CEPT1: variants seen among roughly 807,000 people sequenced by gnomAD.
The protein encoded by CEPT1 is choline/ethanolamine phosphotransferase 1, also known as choline/ethanolaminephosphotransferase 1.
Under a neutral mutation model 42.6 loss-of-function variants are expected in CEPT1, and 7 were observed. The observed-to-expected ratio is 0.16, with a 90% CI of 0.09 to 0.31. The LOEUF is 0.31. Among genes scored for constraint, CEPT1 ranks in the 10% least tolerant of loss-of-function variants. The pLI is 1.00. For synonymous variants in CEPT1, 171 were observed against 171.9 expected, an observed-to-expected ratio of 0.99 and a Z score of 0.04; for missense variants, 306 against 502.1, an observed-to-expected ratio of 0.61 and a Z score of 3.73.
At chr1:111,151,128 G>GTTTTT (rs34545608) in intron 2 of CEPT1, among the ~76,000 whole-genome samples, 5 of 135,140 alleles carry the variant, frequency 3.7e-5, no homozygotes, top group African/African-American at 5.7e-5. Context: ...TTTTTTGTTT[G>GTTTTT]TTTTTTTTTT....
At chr1:111,170,352 T>C (rs1389233392) in intron 4 of CEPT1, among the ~76,000 whole-genome samples, 1 of 152,220 alleles carries the variant, frequency 6.6e-6, no homozygotes, top group East Asian at 1.9e-4. Context: ...TCTCAGAAAG[T>C]CTGAAGATCC....
chr1:111,163,139 A>C (rs1655956683), intron 4 of CEPT1, among the ~76,000 whole-genome samples: 1 of 151,964 alleles, frequency 6.6e-6, no homozygotes, highest in African/African-American at 2.4e-5. Context: ...AGTGCTTGCA[A>C]GGCTTGGGGT....
chr1:111,149,074 T>G (rs888108971), intron 2 of CEPT1, among the ~76,000 whole-genome samples: 4 of 152,180 alleles, frequency 2.6e-5, no homozygotes, highest in African/African-American at 7.2e-5. Context: ...TTTTCTGTTT[T>G]CATCAATTTG....
chr1:111,167,089 T>G, intron 4 of CEPT1: 1 of 983,490 alleles, frequency 1.0e-6, no homozygotes, highest in Non-Finnish European at 1.2e-6. Context: ...TTGAAATGTT[T>G]GTTTCCTTAT....
intron 5 of CEPT1, among the ~76,000 whole-genome samples, chr1:111,176,296 T>C (rs950042521): frequency 2.6e-5 from 4 of 152,176 alleles, no homozygotes; most frequent in Non-Finnish European, 1.5e-5. Flanking sequence ...TTCAGTAGAC[T>C]AGTTCTTTTT....
chr1:111,166,233 C>T (rs1266247864), intron 4 of CEPT1, among the ~76,000 whole-genome samples: 1 of 152,162 alleles, frequency 6.6e-6, no homozygotes, highest in Non-Finnish European at 1.5e-5. Context: ...TCTCAGATCA[C>T]CAGGTAAAAT....
Position 111,182,326 on chromosome 1 carries a change from T to C in CEPT1, c.846+8T>C. ...AATGGATCAACAATAGCAGTAAGTA[T>C]ACCTTAAGATTTTCAACACTTGTTT... On this transcript the variant is annotated splice_region_variant and intron_variant, in intron 6 of 8. Coordinates refer to ENST00000357172, the MANE Select transcript of CEPT1 (RefSeq NM_006090.5). The C allele has an allele frequency of 6.2e-7, 1 of 1,608,684 alleles. No individual in the cohort carries two copies. The highest frequency in any genetic ancestry group is 8.5e-7 in the Non-Finnish European group (1 of 1,178,282).
intron 2 of CEPT1, among the ~76,000 whole-genome samples, chr1:111,152,433 C>T (rs1268734866): frequency 1.3e-5 from 2 of 152,168 alleles, no homozygotes; most frequent in African/African-American, 4.8e-5. Context: ...CTCACCCTAA[C>T]CTCTCTCCTC....
At chr1:111,145,514 A>C (rs1002977088) in intron 1 of CEPT1, among the ~76,000 whole-genome samples, 1 of 152,216 alleles carries the variant, frequency 6.6e-6, no homozygotes, top group Non-Finnish European at 1.5e-5. Context: ...TGATATTTAT[A>C]GGGATATAGG....
At chr1:111,145,708 C>G (rs530881968) in intron 1 of CEPT1, among the ~76,000 whole-genome samples, 1 of 152,206 alleles carries the variant, frequency 6.6e-6, no homozygotes, top group Admixed American at 6.5e-5. Flanking sequence ...TCATAGTCCT[C>G]TAGCCATGGC....
At chr1:111,182,678 G>GC (rs1657047509) in intron 6 of CEPT1, 121 bp from the exon 7 acceptor site, 1 of 846,562 alleles carries the variant, frequency 1.2e-6, no homozygotes, top group South Asian at 2.0e-5. Flanking sequence ...AGAAATTGCT[G>GC]CCTATCAGGC....
rs1655852477 is a variant in CEPT1 at position 111,161,236 on chromosome 1, C to T, written c.569C>T (p.Thr190Ile). 1.2e-6 allele frequency: 2 copies of T among 1,613,676 alleles called. No homozygotes were observed. Among genetic ancestry groups the T allele is most frequent in the East Asian group, 2.2e-5 (1 of 44,854 alleles). The change falls in exon 4 of 9, where the codon ACA becomes ATA. Residue 190 changes from threonine to isoleucine, a missense_variant. By Grantham distance (89) the Thr-to-Ile change is moderately conservative (BLOSUM62 -1). Around this residue, in one of 2 missense-constraint regions of CEPT1, gnomAD observed 253 missense variants for 447.3 expected, o/e 0.57. Coordinates refer to ENST00000357172, the MANE Select transcript of CEPT1 (RefSeq NM_006090.5). ...ATGTTTTTTTGTTGTTTTGCGGGGA[C>T]ATTTATGTTCTATTGTGCGCACTGG... is the stretch of plus-strand genomic sequence containing the variant. ...DWMFFCCFAG[T>I]FMFYCAHWQT...
chr1:111,176,328 T>C (rs1656675525), intron 5 of CEPT1, among the ~76,000 whole-genome samples: 1 of 152,166 alleles, frequency 6.6e-6, no homozygotes, highest in Non-Finnish European at 1.5e-5. Flanking sequence ...TTTTGCCTTA[T>C]GGGAAGGAAA....
chr1:111,182,827 A>G lies in CEPT1; in HGVS notation c.875A>G (p.His292Arg). 6.2e-7 allele frequency: 1 copy of G among 1,613,384 alleles called. No homozygotes were observed. Among genetic ancestry groups the G allele is most frequent in the Non-Finnish European group, 8.5e-7 (1 of 1,179,510 alleles). ...ACAAGTGTCCTTTCTCCTTTTCTCC[A>G]TATTGGATCAGTGATTACATTAGCT... ...AGTSVLSPFLHIGSVITLAAM... is the reference protein window; with the variant it reads ...AGTSVLSPFLRIGSVITLAAM... Residue 292 changes from histidine to arginine, a missense_variant, in exon 7 of 9, where the codon CAT becomes CGT. Transcript: ENST00000357172.
chr1:111,146,980 A>G (rs981598295), intron 1 of CEPT1, among the ~76,000 whole-genome samples: 2 of 151,908 alleles, frequency 1.3e-5, no homozygotes, highest in South Asian at 2.1e-4. Context: ...TTTGAATACT[A>G]CTTGGTTTAG....
At chr1:111,158,710 C>G (rs1432765676) in intron 2 of CEPT1, among the ~76,000 whole-genome samples, 1 of 151,982 alleles carries the variant, frequency 6.6e-6, no homozygotes, top group African/African-American at 2.4e-5. Context: ...TGGAATTTTT[C>G]ATGTAATACC....
At chr1:111,161,390 C>T in intron 4 of CEPT1, 94 bp downstream of exon 4, 1 of 1,232,042 alleles carries the variant, frequency 8.1e-7, no homozygotes, top group East Asian at 2.4e-5. Flanking sequence ...GATCAAATCA[C>T]TAAGTTAGTT....
intron 4 of CEPT1, among the ~76,000 whole-genome samples, chr1:111,166,289 T>G (rs1450127778): frequency 2.0e-5 from 3 of 152,220 alleles, no homozygotes; most frequent in African/African-American, 4.8e-5. Context: ...TTCTTAATTT[T>G]TATTTAAGTA....
intron 2 of CEPT1, among the ~76,000 whole-genome samples, chr1:111,149,547 A>C (rs1156587910): frequency 6.6e-6 from 1 of 152,168 alleles, no homozygotes; most frequent in Non-Finnish European, 1.5e-5. Flanking sequence ...ACAGTGAGCA[A>C]CTGCGCCCAG....
Sources: allele counts gnomAD v4.1 joint callset (sites outside exome capture counted in the v4.1 genomes callset), GRCh38; gene constraint gnomAD v4.1.1; regional missense constraint gnomAD v4.1.1; transcripts MANE v1.5; gene names NCBI Gene and HGNC (gene_info 2026-07-23, HGNC 2026-07-21).